The following ACYP2 variants were observed in gnomAD, a reference collection of about 807,000 sequenced individuals.
ACYP2 encodes the protein acylphosphatase-2.
ACYP2 carries 12 observed loss-of-function variants against 11.2 expected under a neutral mutation model. The ratio of observed to expected loss-of-function variants is 1.08; its 90% CI spans 0.69 to 1.74. The LOEUF (loss-of-function observed/expected upper bound fraction) is 1.74, where lower values mean the gene tolerates loss of function less well. Ranked by LOEUF, ACYP2 falls within the 40% of genes most tolerant of loss-of-function variation. ACYP2 has a pLI of 0.00. For missense variants in ACYP2, 134 were observed against 101.9 expected, an observed-to-expected ratio of 1.31 and a Z score of -1.35; for synonymous variants, 43 against 32.2, an observed-to-expected ratio of 1.33 and a Z score of -1.13.
chr2:54,013,740 AAAAG>A (rs754145616), intron 2 of ACYP2, among the ~76,000 whole-genome samples: 1,788 of 145,760 alleles, frequency 0.012, 32 homozygotes, highest in African/African-American at 0.042. Context: ...AAAAAAAAAA[AAAAG>A]AGAGAGAGAG....
chr2:53,990,131 A>G (rs1215917744), intron 2 of ACYP2, among the ~76,000 whole-genome samples: 3 of 151,120 alleles, frequency 2.0e-5, no homozygotes, highest in Non-Finnish European at 3.0e-5. Context: ...GGCATGCACC[A>G]CTACACCTGG....
At chr2:54,001,757 A>C (rs1672814687) in intron 2 of ACYP2, among the ~76,000 whole-genome samples, 1 of 152,228 alleles carries the variant, frequency 6.6e-6, no homozygotes, top group Non-Finnish European at 1.5e-5. Context: ...GGTAAGGCCC[A>C]AGTATCTGAC....
At chr2:54,256,843 T>G (rs1322229232) in intron 6 of ACYP2, among the ~76,000 whole-genome samples, 2 of 152,142 alleles carry the variant, frequency 1.3e-5, no homozygotes, top group East Asian at 3.9e-4. Context: ...TTGTTTTGTA[T>G]TTTTAGTCAA....
intron 2 of ACYP2, among the ~76,000 whole-genome samples, chr2:54,025,577 C>G (rs1040342545): frequency 1.3e-5 from 2 of 152,154 alleles, no homozygotes; most frequent in African/African-American, 2.4e-5. Flanking sequence ...AAAATCAACT[C>G]AAGATGGATC....
At chr2:54,093,959 A>G (rs2103686597) in intron 4 of ACYP2, among the ~76,000 whole-genome samples, 1 of 151,860 alleles carries the variant, frequency 6.6e-6, no homozygotes, top group East Asian at 2.0e-4. Context: ...ACAAACAAAC[A>G]AACAAACAAA....
At chr2:54,189,326 T>TC (rs1040064910) in intron 6 of ACYP2, among the ~76,000 whole-genome samples, 2 of 152,162 alleles carry the variant, frequency 1.3e-5, no homozygotes, top group African/African-American at 4.8e-5. Flanking sequence ...CCCTGTTTCC[T>TC]CCCCCTCACC....
intron 2 of ACYP2, among the ~76,000 whole-genome samples, chr2:54,003,511 C>T (rs944700751): frequency 5.3e-5 from 8 of 152,156 alleles, no homozygotes; most frequent in Non-Finnish European, 1.2e-4. Context: ...CCGCCCACCT[C>T]GGCCTCCCAA....
At chr2:54,048,535 T>G (rs1675649094) in intron 2 of ACYP2, among the ~76,000 whole-genome samples, 1 of 152,218 alleles carries the variant, frequency 6.6e-6, no homozygotes, top group South Asian at 2.1e-4. Context: ...GAGATGACAG[T>G]CTTGCTCTGT....
At chr2:54,258,826 A>C (rs1687662240) in intron 6 of ACYP2, among the ~76,000 whole-genome samples, 1 of 152,162 alleles carries the variant, frequency 6.6e-6, no homozygotes, top group Non-Finnish European at 1.5e-5. Context: ...GTAATTTATA[A>C]AGAAAAGCTT....
At chr2:54,075,261 G>A (rs1201184862) in intron 4 of ACYP2, among the ~76,000 whole-genome samples, 3 of 152,160 alleles carry the variant, frequency 2.0e-5, no homozygotes, top group Non-Finnish European at 4.4e-5. Context: ...CAGTTTGTAA[G>A]GCCTAGGAGG....
At chr2:54,015,644 G>GTC (rs199647645) in intron 2 of ACYP2, among the ~76,000 whole-genome samples, 2,435 of 71,270 alleles carry the variant, frequency 0.034, 67 homozygotes, top group African/African-American at 0.13. Flanking sequence ...GTGAGACCCC[G>GTC]TCACACACAC....
At chr2:54,096,152 C>G (rs1316709293) in intron 4 of ACYP2, among the ~76,000 whole-genome samples, 4 of 142,046 alleles carry the variant, frequency 2.8e-5, no homozygotes, top group African/African-American at 1.1e-4. Flanking sequence ...CCTCACTTCT[C>G]GGACGGGGCG....
At chr2:54,255,757 C>T (rs1558647641) in intron 6 of ACYP2, 2 of 1,613,980 alleles carry the variant, frequency 1.2e-6, no homozygotes, top group Admixed American at 1.7e-5. Context: ...CCCTGCCCCA[C>T]AGGTTTCTAG....
intron 2 of ACYP2, among the ~76,000 whole-genome samples, chr2:53,984,746 A>G (rs1203841443): frequency 6.6e-6 from 1 of 151,732 alleles, no homozygotes; most frequent in Non-Finnish European, 1.5e-5. Context: ...CTACCAATAA[A>G]ATTCACCACC....
At chr2:54,119,540 G>C (rs1419616747) in intron 4 of ACYP2, among the ~76,000 whole-genome samples, 1 of 152,142 alleles carries the variant, frequency 6.6e-6, no homozygotes, top group African/African-American at 2.4e-5. Context: ...TAAAATATTT[G>C]AGTGGAAACT....
intron 4 of ACYP2, among the ~76,000 whole-genome samples, chr2:54,062,237 G>A (rs1410780065): frequency 6.6e-6 from 1 of 152,116 alleles, no homozygotes; most frequent in Non-Finnish European, 1.5e-5. Context: ...GGTAGAGCTT[G>A]GGCTTGAACG....
chr2:54,240,024 C>T (rs1367760366), intron 6 of ACYP2, among the ~76,000 whole-genome samples: 1 of 152,134 alleles, frequency 6.6e-6, no homozygotes, highest in Admixed American at 6.5e-5. Flanking sequence ...ATTGTGACTC[C>T]ATGGTCCAGG....
intron 6 of ACYP2, among the ~76,000 whole-genome samples, chr2:54,208,193 TAA>T (rs77750190): frequency 2.8e-5 from 4 of 142,326 alleles, no homozygotes; most frequent in Non-Finnish European, 6.2e-5. Context: ...CAGTTCACAC[TAA>T]AAAAAAAAAA....
intron 2 of ACYP2, among the ~76,000 whole-genome samples, chr2:54,025,878 GCTGAGGTCAGGAATTTGAGA>G (rs1188180914): frequency 6.4e-4 from 98 of 152,276 alleles, no homozygotes; most frequent in African/African-American, 2.1e-3. Context: ...GGAATTTGAG[GCTGAGGTCAGGAATTTGAGA>G]CTGAGGTCAG....
Sources: gnomAD v4.1 joint callset for allele counts (sites outside exome capture counted in the v4.1 genomes callset) on GRCh38, gnomAD v4.1.1 for gene constraint, MANE v1.5 for transcripts, NCBI Gene and HGNC (gene_info 2026-07-23, HGNC 2026-07-21) for gene names.